The following GRM3 variants were observed in gnomAD, a reference collection of about 807,000 sequenced individuals.
GRM3 encodes the protein metabotropic glutamate receptor 3.
A neutral mutation model predicts 70.5 loss-of-function variants in GRM3; 26 were observed. The observed-to-expected ratio is 0.37, with a 90% confidence interval of 0.27 to 0.51. The LOEUF (loss-of-function observed/expected upper bound fraction) is 0.51. Ranked by LOEUF, GRM3 falls within the 20% of genes least tolerant of loss-of-function variation. The pLI is 0.93. For synonymous variants in GRM3, 443 were observed against 434.9 expected (o/e 1.02, Z -0.23); for missense variants, 859 against 1,123.8 (o/e 0.76, Z 3.37).
chr7:86,802,798 T>G (rs572530778), intron 3 of GRM3, among the ~76,000 whole-genome samples: 1 of 152,310 alleles, frequency 6.6e-6, no homozygotes, highest in East Asian at 1.9e-4. Context: ...CATGATAGTT[T>G]TGTGGGTTTG....
chr7:86,823,341 T>G (rs552834142), intron 3 of GRM3, among the ~76,000 whole-genome samples: 24 of 152,214 alleles, frequency 1.6e-4, no homozygotes, highest in African/African-American at 4.3e-4. Context: ...ATCTCCTTTT[T>G]TTTTCCTCTT....
intron 1 of GRM3, among the ~76,000 whole-genome samples, chr7:86,709,404 G>A (rs1396837016): frequency 6.6e-6 from 1 of 151,988 alleles, no homozygotes; most frequent in Non-Finnish European, 1.5e-5. Context: ...GGCTGCTTCT[G>A]CACCCTCATT....
chr7:86,664,155 T>C (rs562885703), intron 1 of GRM3, among the ~76,000 whole-genome samples: 1 of 151,934 alleles, frequency 6.6e-6, no homozygotes, highest in Non-Finnish European at 1.5e-5. Flanking sequence ...TTCTTTTTTT[T>C]AAAAAAGACC....
chr7:86,713,736 T>C (rs1207656622), intron 1 of GRM3, among the ~76,000 whole-genome samples: 1 of 152,044 alleles, frequency 6.6e-6, no homozygotes, highest in East Asian at 1.9e-4. Flanking sequence ...TTTATGTTTC[T>C]TACAACTTCT....
intron 1 of GRM3, among the ~76,000 whole-genome samples, chr7:86,651,852 T>C (rs1793613679): frequency 6.6e-6 from 1 of 152,224 alleles, no homozygotes. Context: ...ACACCCAAAA[T>C]ATATTTTTCA....
chr7:86,778,280 A>T (rs1040175839), intron 2 of GRM3, among the ~76,000 whole-genome samples: 3 of 152,184 alleles, frequency 2.0e-5, no homozygotes, highest in African/African-American at 7.2e-5. Flanking sequence ...CTAAGTATAG[A>T]TCCTCATAAA....
At chr7:86,680,914 C>T (rs1328649294) in intron 1 of GRM3, among the ~76,000 whole-genome samples, 1 of 152,126 alleles carries the variant, frequency 6.6e-6, no homozygotes, top group Non-Finnish European at 1.5e-5. Context: ...CCCTTGGCAG[C>T]CCAAATCAAG....
At chr7:86,804,908 T>A (rs1797756194) in intron 3 of GRM3, among the ~76,000 whole-genome samples, 1 of 152,166 alleles carries the variant, frequency 6.6e-6, no homozygotes, top group African/African-American at 2.4e-5. Context: ...AGCCCAGAGT[T>A]CAAGACCAGC....
At chr7:86,841,950 G>A (rs767230726) in intron 4 of GRM3, among the ~76,000 whole-genome samples, 1 of 152,158 alleles carries the variant, frequency 6.6e-6, no homozygotes, top group African/African-American at 2.4e-5. Flanking sequence ...AAGGTATCCA[G>A]TGATGCTAAG....
At chr7:86,848,992 C>A (rs1798707834) in intron 4 of GRM3, among the ~76,000 whole-genome samples, 1 of 152,140 alleles carries the variant, frequency 6.6e-6, no homozygotes, top group Non-Finnish European at 1.5e-5. Flanking sequence ...CTCTCCTCAC[C>A]TCTTCTTGTA....
At chr7:86,714,586 T>C (rs1198324202) in intron 1 of GRM3, among the ~76,000 whole-genome samples, 1 of 152,022 alleles carries the variant, frequency 6.6e-6, no homozygotes, top group African/African-American at 2.4e-5. Flanking sequence ...TACTACACTA[T>C]GCTGTTAAGT....
At chr7:86,808,220 G>A (rs1204679468) in intron 3 of GRM3, among the ~76,000 whole-genome samples, 2 of 151,934 alleles carry the variant, frequency 1.3e-5, no homozygotes, top group African/African-American at 4.8e-5. Context: ...TTTTTGCTGT[G>A]TCTCTGCCAG....
At chr7:86,857,355 A>T (rs1449022545) in intron 5 of GRM3, among the ~76,000 whole-genome samples, 2 of 152,150 alleles carry the variant, frequency 1.3e-5, no homozygotes, top group Non-Finnish European at 2.9e-5. Flanking sequence ...GAGGCATTAT[A>T]AGGATATTTA....
intron 1 of GRM3, among the ~76,000 whole-genome samples, chr7:86,692,644 C>A (rs1794721373): frequency 6.6e-6 from 1 of 152,070 alleles, no homozygotes; most frequent in Non-Finnish European, 1.5e-5. Context: ...TTTTTATTGA[C>A]CTCTTTTATT....
At chr7:86,738,919 G>A (rs963326567) in intron 1 of GRM3, among the ~76,000 whole-genome samples, 3 of 152,006 alleles carry the variant, frequency 2.0e-5, no homozygotes, top group Admixed American at 6.6e-5. Flanking sequence ...TACTTTGTTC[G>A]CAATTCAAGA....
chr7:86,843,572 A>T (rs887026964), intron 4 of GRM3, among the ~76,000 whole-genome samples: 3 of 152,210 alleles, frequency 2.0e-5, no homozygotes, highest in Admixed American at 2.0e-4. Context: ...GATCTAATAC[A>T]TAGCTTAAAT....
At chr7:86,804,837 G>T (rs185399917) in intron 3 of GRM3, among the ~76,000 whole-genome samples, 1 of 152,308 alleles carries the variant, frequency 6.6e-6, no homozygotes, top group African/African-American at 2.4e-5. Flanking sequence ...GTAGGTATGA[G>T]TGTGGTGGCT....
At chr7:86,768,535 A>G (rs1029361317) in intron 2 of GRM3, among the ~76,000 whole-genome samples, 2 of 152,212 alleles carry the variant, frequency 1.3e-5, no homozygotes, top group Admixed American at 6.5e-5. Flanking sequence ...GAATATGTTC[A>G]TGTAGCTCAC....
intron 1 of GRM3, among the ~76,000 whole-genome samples, chr7:86,686,809 G>A (rs1794579819): frequency 6.6e-6 from 1 of 151,772 alleles, no homozygotes; most frequent in Non-Finnish European, 1.5e-5. Context: ...AGACACCTAG[G>A]TATTTTAGAT....
Sources: allele counts gnomAD v4.1 joint callset (sites outside exome capture counted in the v4.1 genomes callset), GRCh38; gene constraint gnomAD v4.1.1; transcripts MANE v1.5; gene names NCBI Gene and HGNC (gene_info 2026-07-23, HGNC 2026-07-21).